The following ZC3H13 variants were observed in gnomAD, a reference collection of about 807,000 sequenced individuals.
ZC3H13 encodes zinc finger CCCH-type containing 13.
ZC3H13 carries 64 observed loss-of-function variants against 204.1 expected under a neutral mutation model. The ratio of observed to expected loss-of-function variants is 0.31; its 90% CI spans 0.26 to 0.39. The LOEUF is 0.39. Among genes scored for constraint, ZC3H13 ranks in the 10% least tolerant of loss-of-function variants. The pLI is 1.00. For synonymous variants in ZC3H13, 667 were observed against 693.7 expected, an observed-to-expected ratio of 0.96 and a Z score of 0.60; for missense variants, 1,833 against 2,082.7, an observed-to-expected ratio of 0.88 and a Z score of 2.33.
In ZC3H13 at chr13:45,975,763, C is replaced by T. The variant is rs550536100; in HGVS notation, c.1988G>A (p.Arg663Gln). 1.2e-5 allele frequency: 20 copies of T among 1,613,978 alleles called. No homozygotes were observed. The highest frequency in any genetic ancestry group is 2.2e-5 in the East Asian group (1 of 44,874). Residue 663 changes from arginine to glutamine, a missense_variant, in exon 12 of 19, where the codon CGA (arginine) becomes CAA (glutamine). Around this residue, in one of 5 missense-constraint regions of ZC3H13, gnomAD observed 1,574 missense variants for 1,757.2 expected, o/e 0.90. Coordinates refer to ENST00000679008, the MANE Select transcript of ZC3H13 (RefSeq NM_001330564.2). ...CCTATCATCCACTCTGTCTACTCTT[C>T]GTTCCTCTCTTCTTTCATCACGCTC... is the stretch of plus-strand genomic sequence containing the variant. ...ELERDERREE[R>Q]RVDRVDDRRD...
chr13:46,048,597 A>C (rs993071958), intron 1 of ZC3H13, among the ~76,000 whole-genome samples: 1 of 151,052 alleles, frequency 6.6e-6, no homozygotes, highest in Non-Finnish European at 1.5e-5. Flanking sequence ...AAAAAAAAAA[A>C]AAAAAAAACT....
At chr13:46,051,359 T>C (rs888926442) in intron 1 of ZC3H13, among the ~76,000 whole-genome samples, 1 of 152,328 alleles carries the variant, frequency 6.6e-6, no homozygotes, top group Admixed American at 6.5e-5. Context: ...TGCAACTATT[T>C]TTAAAGCCGC....
rs1951875123 is a variant in ZC3H13, at chr13:45,963,926, C to T, written c.4591G>A (p.Val1531Ile). 20 of 1,614,032 alleles carry T rather than the reference C, an allele frequency of 1.2e-5. No individual in the cohort carries two copies. The highest frequency in any genetic ancestry group is 1.7e-5 in the Non-Finnish European group (20 of 1,180,024). ...KFTPGAVMLR[V>I]GISKKLAGSE... The stretch of plus-strand genomic sequence containing the variant: ...CCTGCCAACTTTTTAGAAATCCCAA[C>T]TCTTAGCATAACAGCTCCAGGTGTG... Residue 1531 changes from valine to isoleucine, a missense_variant, in exon 17 of 19, where the codon GTT becomes ATT. Coordinates refer to ENST00000679008, the MANE Select transcript of ZC3H13 (RefSeq NM_001330564.2).
At chr13:46,002,941 T>C (rs2040855935) in intron 8 of ZC3H13, among the ~76,000 whole-genome samples, 198 bp downstream of exon 8, 1 of 152,020 alleles carries the variant, frequency 6.6e-6, no homozygotes, top group Admixed American at 6.6e-5. Flanking sequence ...AATTGAAAAA[T>C]AAATTGTAAA....
At chr13:46,022,514 G>A (rs1388255615) in intron 4 of ZC3H13, among the ~76,000 whole-genome samples, 6 of 151,866 alleles carry the variant, frequency 4.0e-5, no homozygotes, top group Admixed American at 3.9e-4. Flanking sequence ...GTGTAGCACG[G>A]TCTACTATTC....
At chr13:45,998,562 T>C (rs1430412157) in intron 8 of ZC3H13, among the ~76,000 whole-genome samples, 5 of 151,362 alleles carry the variant, frequency 3.3e-5, no homozygotes, top group Non-Finnish European at 5.9e-5. Flanking sequence ...GGCAGGAGAA[T>C]GGCATGAATC....
chr13:45,994,805 C>G (rs934077385), intron 8 of ZC3H13, among the ~76,000 whole-genome samples: 1 of 152,072 alleles, frequency 6.6e-6, no homozygotes, highest in Non-Finnish European at 1.5e-5. Flanking sequence ...AGCAGAGGAC[C>G]AAACCAGGCC....
chr13:45,962,041 T>C (rs1487663785), intron 17 of ZC3H13: 2 of 385,998 alleles, frequency 5.2e-6, no homozygotes, highest in African/African-American at 4.4e-5. Flanking sequence ...TTCATGTTGG[T>C]ACACTTGAAT....
chr13:46,025,217 T>A (rs989689649), intron 4 of ZC3H13, among the ~76,000 whole-genome samples: 2 of 152,238 alleles, frequency 1.3e-5, no homozygotes, highest in Non-Finnish European at 2.9e-5. Flanking sequence ...CAGAGGATTT[T>A]AAACATTCAA....
rs1566255123 is a variant in ZC3H13, at chr13:46,003,153, C to T, written c.930G>A (p.Lys310=). Residue 310 remains lysine, a synonymous_variant, in exon 8 of 19, where the codon AAG becomes AAA. Coordinates refer to ENST00000679008, the MANE Select transcript of ZC3H13 (RefSeq NM_001330564.2). ...RGRDFERQRE[K]RDKPRSTSPA... is the part of the protein sequence containing the mutation. ...ATCCTACTTACCTTGGCTTGTCTCTCTTTTCTCTTTGTCGTTCAAAATCTC... is the reference window on the plus strand; with the variant it reads ...ATCCTACTTACCTTGGCTTGTCTCTTTTTTCTCTTTGTCGTTCAAAATCTC... 6.2e-7 allele frequency: 1 copy of T among 1,611,054 alleles called. No individual in the cohort carries two copies. The highest frequency in any genetic ancestry group is 8.5e-7 in the Non-Finnish European group (1 of 1,179,664).
intron 4 of ZC3H13, among the ~76,000 whole-genome samples, chr13:46,028,313 C>A (rs1593744077): frequency 6.6e-6 from 1 of 152,100 alleles, no homozygotes. Context: ...ACCATCAAAG[C>A]ATCAAAATAC....
At position 45,961,213 on chromosome 13, in the gene ZC3H13, A is replaced by G. The variant is rs543605493; in HGVS notation, c.4676-1567T>C. Among the ~76,000 whole-genome samples, 49 of 152,238 alleles carry G rather than the reference A, an allele frequency of 3.2e-4. 1 individual carries two copies. The South Asian group carries it at 0.01, about 32-fold the overall frequency. On this transcript the variant is annotated intron_variant, in intron 17 of 18. Coordinates refer to ENST00000679008, the MANE Select transcript of ZC3H13 (RefSeq NM_001330564.2). ...TATATGCACATGATTAAAAACAAAA[A>G]CAAAAACATTAACTACCATTCCACT...
intron 11 of ZC3H13, among the ~76,000 whole-genome samples, chr13:45,978,601 C>T (rs1953268313): frequency 6.6e-6 from 1 of 151,954 alleles, no homozygotes; most frequent in African/African-American, 2.4e-5. Flanking sequence ...TGTAAAGCAA[C>T]TATCAAAGTT....
At chr13:45,964,294 C>G (rs1593451513) in intron 16 of ZC3H13, among the ~76,000 whole-genome samples, 1 of 152,298 alleles carries the variant, frequency 6.6e-6, no homozygotes. Context: ...CATTTTAACT[C>G]CATGGGAGAT....
At chr13:46,001,529 A>AT (rs2040742473) in intron 8 of ZC3H13, 1 of 152,248 alleles carries the variant, frequency 6.6e-6, no homozygotes, top group Admixed American at 6.5e-5. Flanking sequence ...CATACTAAAT[A>AT]ACAGGTGAGT....
intron 4 of ZC3H13, among the ~76,000 whole-genome samples, chr13:46,035,910 G>A (rs1033359341): frequency 6.6e-6 from 1 of 152,120 alleles, no homozygotes; most frequent in East Asian, 1.9e-4. Context: ...AATTCTAACA[G>A]CTACAGTATT....
intron 9 of ZC3H13, among the ~76,000 whole-genome samples, chr13:45,987,508 C>A (rs1475051812): frequency 6.6e-6 from 1 of 151,304 alleles, no homozygotes; most frequent in African/African-American, 2.4e-5. Context: ...ATAAACACTG[C>A]TGTGCTGACC....
rs779962336 is a variant in ZC3H13, at chr13:46,010,329, T to C, written c.746+19A>G. On this transcript the variant is annotated intron_variant, in intron 7 of 18. Coordinates refer to ENST00000679008, the MANE Select transcript of ZC3H13 (RefSeq NM_001330564.2). ...TCAGAAAAAGCTATTTTCTCGATACTATTTATCACCCTACTGACCTCTGCT... is the reference window on the plus strand; with the variant it reads ...TCAGAAAAAGCTATTTTCTCGATACCATTTATCACCCTACTGACCTCTGCT... 1.3e-6 allele frequency: 2 copies of C among 1,539,826 alleles called. No individual in the cohort carries two copies. The highest frequency in any genetic ancestry group is 2.5e-5 in the South Asian group (2 of 80,980).
chr13:45,958,731 C>T (rs925689807), intron 18 of ZC3H13, among the ~76,000 whole-genome samples: 6 of 146,904 alleles, frequency 4.1e-5, no homozygotes, highest in Admixed American at 2.8e-4. Context: ...TCTCTGCTCA[C>T]TGCAAGCTCC....
Sources: allele counts gnomAD v4.1 joint callset (sites outside exome capture counted in the v4.1 genomes callset), GRCh38; gene constraint gnomAD v4.1.1; regional missense constraint gnomAD v4.1.1; transcripts MANE v1.5; gene names NCBI Gene and HGNC (gene_info 2026-07-23, HGNC 2026-07-21).